The following PPP1R13B variants were observed in gnomAD, a reference collection of about 807,000 sequenced individuals.
The protein encoded by PPP1R13B is protein phosphatase 1 regulatory subunit 13B.
Under a neutral mutation model 119.8 loss-of-function variants are expected in PPP1R13B, and 44 were observed. That is an observed-to-expected ratio of 0.37 (90% CI 0.29 to 0.47). The LOEUF (loss-of-function observed/expected upper bound fraction) is 0.47. PPP1R13B is among the 20% of genes least tolerant of loss of function. PPP1R13B has a pLI of 0.99. For missense variants in PPP1R13B, 1,227 were observed against 1,413.5 expected, an observed-to-expected ratio of 0.87 and a Z score of 2.12; for synonymous variants, 542 against 561.5, an observed-to-expected ratio of 0.97 and a Z score of 0.49.
Position 103,742,108 on chromosome 14 carries a change from G to A in PPP1R13B, c.1504C>T (p.Leu502=). 6.2e-7 allele frequency: 1 copy of A among 1,613,496 alleles called. No homozygotes were observed. Among genetic ancestry groups the A allele is most frequent in the Admixed American group, 1.7e-5 (1 of 60,022 alleles). ...AGLPSRQRPT[L]LPATGSTPQP... ...GGGGTGCTGCCTGTGGCGGGCAGCA[G>A]GGTGGGCCTCTGTCGACTTGGCAGG... The change falls in exon 11 of 17, where the codon CTG becomes TTG. Residue 502 remains leucine (L), a synonymous_variant. Coordinates refer to ENST00000202556, the MANE Select transcript of PPP1R13B (RefSeq NM_015316.3). This position sits in a 1 kb window ranked among gnomAD's most constrained non-coding sequence, Gnocchi z 4.9.
At chr14:103,775,108 T>A (rs2085155987) in intron 4 of PPP1R13B, among the ~76,000 whole-genome samples, 1 of 152,158 alleles carries the variant, frequency 6.6e-6, no homozygotes, top group African/African-American at 2.4e-5. Flanking sequence ...ACCCAATTTA[T>A]CATACATTTG....
upstream of PPP1R13B, chr14:103,847,640 A>T (rs1295986454): frequency 5.1e-6 from 5 of 983,720 alleles, no homozygotes; most frequent in Non-Finnish European, 6.0e-6. Flanking sequence ...GACGCCCCGC[A>T]CGGGTCCCGT....
intron 5 of PPP1R13B, among the ~76,000 whole-genome samples, chr14:103,754,588 T>G (rs74415844): frequency 7.0e-6 from 1 of 142,624 alleles, no homozygotes; most frequent in Non-Finnish European, 1.5e-5. Context: ...AAAAAAAAAT[T>G]GAAACTTATG....
rs1338220673 is a variant in PPP1R13B at position 103,749,855 on chromosome 14, A to C, written c.908T>G (p.Val303Gly). ...ACTGATTCGCTTGTCCATCATGGCC[A>C]CCTCCATGTTGCGCTTATTTAAGAG... ...KELLNKRNMEVAMMDKRISEL... is the reference protein window; with the variant it reads ...KELLNKRNMEGAMMDKRISEL... Residue 303 changes from valine to glycine, a missense_variant, in exon 8 of 17, where the codon GTG (valine) becomes GGG (glycine). Coordinates refer to ENST00000202556, the MANE Select transcript of PPP1R13B (RefSeq NM_015316.3). 1 of 1,613,292 alleles carries C rather than the reference A, an allele frequency of 6.2e-7. No homozygotes were observed. Among genetic ancestry groups the C allele is most frequent in the East Asian group, 2.2e-5 (1 of 44,882 alleles).
At chr14:103,828,057 T>C (rs976027104) in intron 1 of PPP1R13B, among the ~76,000 whole-genome samples, 3 of 152,086 alleles carry the variant, frequency 2.0e-5, no homozygotes, top group Non-Finnish European at 4.4e-5. Flanking sequence ...TTTTGTTTTA[T>C]GGCAAGACAT....
chr14:103,786,784 AAAAAG>A (rs1214397769), intron 2 of PPP1R13B, among the ~76,000 whole-genome samples: 1 of 150,840 alleles, frequency 6.6e-6, no homozygotes, highest in East Asian at 2.0e-4. Context: ...AAAAAAAAAA[AAAAAG>A]GCTGGTCATG....
At chr14:103,760,480 C>T (rs1346346957) in intron 4 of PPP1R13B, among the ~76,000 whole-genome samples, 2 of 152,182 alleles carry the variant, frequency 1.3e-5, no homozygotes, top group Admixed American at 1.3e-4. Context: ...GTGCACAAGC[C>T]ACTTCCAACA....
In PPP1R13B at chr14:103,742,575, C is replaced by T. The variant is rs1209075619; in HGVS notation, c.1320+79G>A. On this transcript the variant is annotated intron_variant, in intron 10 of 16. Coordinates refer to ENST00000202556, the MANE Select transcript of PPP1R13B (RefSeq NM_015316.3). This position sits in a 1 kb window ranked among gnomAD's most constrained non-coding sequence, Gnocchi z 4.9. Reference sequence around the variant, plus strand: ...TTAACTTGCCTCCTGACAAGTCATACCCTTTAGCTTAGTACTAAGGCAGAA... The same window carrying T: ...TTAACTTGCCTCCTGACAAGTCATATCCTTTAGCTTAGTACTAAGGCAGAA... 1.3e-6 allele frequency: 2 copies of T among 1,518,944 alleles called. No homozygotes were observed. The highest frequency in any genetic ancestry group is 2.3e-5 in the East Asian group (1 of 44,162). 94.1% of individuals were successfully genotyped at this position (1,518,944 alleles called of 1,614,324 possible).
chr14:103,810,078 C>A (rs563410250), intron 1 of PPP1R13B, among the ~76,000 whole-genome samples: 2 of 148,316 alleles, frequency 1.3e-5, no homozygotes, highest in East Asian at 4.5e-4. Flanking sequence ...CCCGCCTTGG[C>A]CTCCCAAAGT....
chr14:103,737,905 C>T (rs1305623397), intron 14 of PPP1R13B, 45 bp from the exon 15 acceptor site: 1 of 1,575,156 alleles, frequency 6.3e-7, no homozygotes, highest in South Asian at 1.1e-5. Flanking sequence ...CACTGCCTGT[C>T]CTGTAGGACG....
At chr14:103,788,797 T>C (rs1380198952) in intron 2 of PPP1R13B, among the ~76,000 whole-genome samples, 1 of 152,204 alleles carries the variant, frequency 6.6e-6, no homozygotes, top group East Asian at 1.9e-4. Context: ...ATTAGCATTT[T>C]TGAACTTCAT....
In PPP1R13B at chr14:103,746,503, C is replaced by T. The variant is rs201455560; in HGVS notation, c.1020G>A (p.Ser340=). 2.0e-5 allele frequency: 33 copies of T among 1,613,856 alleles called. No homozygotes were observed. In the African/African-American group the frequency reaches 3.6e-4, roughly 18 times the overall value. The change falls in exon 9 of 17, where the codon TCG becomes TCA. Residue 340 remains serine, a synonymous_variant. Coordinates refer to ENST00000202556, the MANE Select transcript of PPP1R13B (RefSeq NM_015316.3). ...AAGGCCCCACAGCAGCGACCCTGCC[C>T]GATGTGCTCAGAGGGGACTGTGGTG... ...TSSPQSPLST[S]GRVAAVGPYI... is the part of the protein sequence containing the mutation.
intron 1 of PPP1R13B, among the ~76,000 whole-genome samples, chr14:103,803,159 C>T (rs759069356): frequency 7.2e-5 from 11 of 152,102 alleles, no homozygotes; most frequent in Non-Finnish European, 2.9e-5. Context: ...GATGCACTTG[C>T]TTGTATTTTA....
At chr14:103,769,656 G>T (rs2085019611) in intron 4 of PPP1R13B, among the ~76,000 whole-genome samples, 2 of 152,104 alleles carry the variant, frequency 1.3e-5, no homozygotes, top group South Asian at 4.1e-4. Flanking sequence ...ACCTACTTAT[G>T]CTCACGTAAT....
intron 2 of PPP1R13B, among the ~76,000 whole-genome samples, chr14:103,787,434 G>A (rs2085495696): frequency 1.3e-5 from 2 of 151,618 alleles, no homozygotes; most frequent in South Asian, 4.2e-4. Flanking sequence ...TCCAGCCTGG[G>A]TGACAGAGTG....
chr14:103,807,019 C>T (rs942275939), intron 1 of PPP1R13B, among the ~76,000 whole-genome samples: 1 of 152,202 alleles, frequency 6.6e-6, no homozygotes. Context: ...TAACTATTGT[C>T]TAAGAGGCCC....
intron 1 of PPP1R13B, among the ~76,000 whole-genome samples, chr14:103,811,159 T>C (rs1214907886): frequency 6.7e-6 from 1 of 148,308 alleles, no homozygotes; most frequent in Non-Finnish European, 1.5e-5. Flanking sequence ...GTTGCTTTAC[T>C]AATGTTGATC....
chr14:103,813,555 G>A (rs539586454), intron 1 of PPP1R13B, among the ~76,000 whole-genome samples: 3 of 152,236 alleles, frequency 2.0e-5, no homozygotes, highest in African/African-American at 7.2e-5. Context: ...GCTGGCATTC[G>A]TTCTCTCTCC....
At chr14:103,806,045 T>G (rs1284977423) in intron 1 of PPP1R13B, among the ~76,000 whole-genome samples, 1 of 152,210 alleles carries the variant, frequency 6.6e-6, no homozygotes. Flanking sequence ...AATGAAGCTG[T>G]TTTTAAAAAG....
Sources: allele counts gnomAD v4.1 joint callset (sites outside exome capture counted in the v4.1 genomes callset), GRCh38; gene constraint gnomAD v4.1.1; non-coding constraint Gnocchi (gnomAD v3.1); transcripts MANE v1.5; gene names NCBI Gene and HGNC (gene_info 2026-07-23, HGNC 2026-07-21).